Variants in IGSF9B observed in about 807,000 individuals in gnomAD.
IGSF9B encodes the protein protein turtle homolog B.
IGSF9B carries 48 observed loss-of-function variants against 143.7 expected under a neutral mutation model. That is an observed-to-expected ratio of 0.33 (90% confidence interval 0.26 to 0.42). The LOEUF (loss-of-function observed/expected upper bound fraction) is 0.42, where lower values mean the gene tolerates loss of function less well. Ranked by LOEUF, IGSF9B falls within the 20% of genes least tolerant of loss-of-function variation. The pLI, the probability that IGSF9B is intolerant of heterozygous loss-of-function variation, is 1.00. For missense variants in IGSF9B, 1,706 were observed against 1,980.0 expected (o/e 0.86, Z 2.63); for synonymous variants, 903 against 833.1 (o/e 1.08, Z -1.44).
Position 133,913,896 on chromosome 11 carries a change from C to A in IGSF9B, c.3984-1889G>T, listed in dbSNP as rs1357506973. Among the ~76,000 whole-genome samples, 1 of 152,130 alleles carries A rather than the reference C, an allele frequency of 6.6e-6. No homozygotes were observed. Among genetic ancestry groups the A allele is most frequent in the Admixed American group, 6.5e-5 (1 of 15,280 alleles). On this transcript the variant is annotated intron_variant, in intron 18 of 19. Transcript: ENST00000533871. The surrounding 1 kb of genome is among the most constrained non-coding windows in gnomAD (Gnocchi z 4.6). ...CAGTCGATCTCTGTCTCCTGGCCGG[C>A]CTCTTCAGGAGGACCACACAGGGTG...
At position 133,902,184 on chromosome 11, in the gene IGSF9B, A is replaced by G. The variant is rs1939141376; in HGVS notation, c.*6885T>C. On this transcript the variant is annotated 3_prime_UTR_variant, in exon 20 of 20. Coordinates refer to ENST00000533871, the MANE Select transcript of IGSF9B (RefSeq NM_001277285.4). ...CACACACACCAAACACACACACACC[A>G]AACACACCAGACACACCACAAGCAT... 7.0e-6 allele frequency among the ~76,000 whole-genome samples: 1 copy of G among 143,394 alleles called. No homozygotes were observed. The highest frequency in any genetic ancestry group is 2.7e-5 in the African/African-American group (1 of 37,534). The allele number at this position is 143,394 out of a possible 152,430, so 94.1% of individuals were successfully genotyped here.
chr11:133,955,312 T>C lies in IGSF9B; in HGVS notation c.64+1379A>G, dbSNP rs548084578. Among the ~76,000 whole-genome samples the C allele has an allele frequency of 5.3e-5, 8 of 152,296 alleles. No homozygotes were observed. In the East Asian group the frequency reaches 1.4e-3, roughly 26 times the overall value. The stretch of plus-strand genomic sequence containing the variant: ...TGACAAATGAAGAGTTTTAAAACCG[T>C]CCGGACCAACATGTCAGTTAACAAA... On this transcript the variant is annotated intron_variant, in intron 1 of 19. Coordinates refer to ENST00000533871, the MANE Select transcript of IGSF9B (RefSeq NM_001277285.4).
At position 133,906,940 on chromosome 11, in the gene IGSF9B, G is replaced by A. The variant is rs922547695; in HGVS notation, c.*2129C>T. 1.3e-5 allele frequency among the ~76,000 whole-genome samples: 2 copies of A among 152,132 alleles called. No individual in the cohort carries two copies. Among genetic ancestry groups the A allele is most frequent in the African/African-American group, 4.8e-5 (2 of 41,424 alleles). Reference sequence around the variant, plus strand: ...CATCCCCCAGGAGAGACGCCCAAGTGAGCAGCACATCACGACGCGGGGGCA... The same window carrying A: ...CATCCCCCAGGAGAGACGCCCAAGTAAGCAGCACATCACGACGCGGGGGCA... On this transcript the variant is annotated 3_prime_UTR_variant, in exon 20 of 20. Coordinates refer to ENST00000533871, the MANE Select transcript of IGSF9B (RefSeq NM_001277285.4).
chr11:133,948,701 A>G lies in IGSF9B; in HGVS notation c.65-2443T>C, dbSNP rs115184482. Among the ~76,000 whole-genome samples, 2,693 of 151,800 alleles carry G rather than the reference A, an allele frequency of 0.018. 55 individuals carry two copies. The highest frequency in any genetic ancestry group is 0.054 in the Middle Eastern group (16 of 294). ...ACCTGTGAGGAGATAAGAAACTACAAGAGCCTAGGGGAAGAGGAGGGAGTT... is the reference window on the plus strand; with the variant it reads ...ACCTGTGAGGAGATAAGAAACTACAGGAGCCTAGGGGAAGAGGAGGGAGTT... On this transcript the variant is annotated intron_variant, in intron 1 of 19. Coordinates refer to ENST00000533871, the MANE Select transcript of IGSF9B (RefSeq NM_001277285.4). This position sits in a 1 kb window ranked among gnomAD's most constrained non-coding sequence, Gnocchi z 4.7.
chr11:133,896,576 A>C lies in IGSF9B; in HGVS notation c.*12493T>G, dbSNP rs569571279. On this transcript the variant is annotated 3_prime_UTR_variant, in exon 20 of 20. Transcript: ENST00000533871. ...CTCCCGGGGTACCTGCACTGGCTGCACATCTCATCATTTGATGTGTGCCTT... is the reference window on the plus strand; with the variant it reads ...CTCCCGGGGTACCTGCACTGGCTGCCCATCTCATCATTTGATGTGTGCCTT... The C allele has an allele frequency of 3.1e-4, 47 of 152,336 alleles. No homozygotes were observed. The highest frequency in any genetic ancestry group is 1.1e-3 in the African/African-American group (47 of 41,580). 9.4% of individuals were successfully genotyped at this position (152,336 alleles called of 1,614,324 possible).
rs1191721320 is a variant in IGSF9B, at chr11:133,899,719, G to A, written c.*9350C>T. ...TCGGGCAGAGTCCACAGAAAGAGAG[G>A]GGATGGTGGGTCTAGAAGCCAACAG... On this transcript the variant is annotated 3_prime_UTR_variant, in exon 20 of 20. Transcript: ENST00000533871. 1 of 152,410 alleles carries A rather than the reference G, an allele frequency of 6.6e-6. No individual in the cohort carries two copies. The highest frequency in any genetic ancestry group is 2.4e-5 in the African/African-American group (1 of 41,464). The allele number at this position is 152,410 out of a possible 1,614,324, so 9.4% of individuals were successfully genotyped here. A position where few individuals can be genotyped will look rare whatever the true frequency, so the allele number is the denominator to read the frequency against.
rs985389418 is a variant in IGSF9B at position 133,905,904 on chromosome 11, C to G, written c.*3165G>C. Among the ~76,000 whole-genome samples, 5 of 152,234 alleles carry G rather than the reference C, an allele frequency of 3.3e-5. No homozygotes were observed. Among genetic ancestry groups the G allele is most frequent in the African/African-American group, 1.2e-4 (5 of 41,460 alleles). ...TGCCTCGTCGTACATCTTCTCTCCCCACGCAAATGCAGTTGTCCAGGCCCC... is the reference window on the plus strand; with the variant it reads ...TGCCTCGTCGTACATCTTCTCTCCCGACGCAAATGCAGTTGTCCAGGCCCC... On this transcript the variant is annotated 3_prime_UTR_variant, in exon 20 of 20. Transcript: ENST00000533871. The surrounding 1 kb of genome is among the most constrained non-coding windows in gnomAD (Gnocchi z 4.0).
At chr11:133,936,636 G>C (rs770652448) in intron 5 of IGSF9B, among the ~76,000 whole-genome samples, 1 of 152,158 alleles carries the variant, frequency 6.6e-6, no homozygotes, top group South Asian at 2.1e-4. Context: ...CAGACAAAGG[G>C]GGCAGCTGCG....
chr11:133,942,139 A>G (rs921445942), intron 3 of IGSF9B, among the ~76,000 whole-genome samples: 1 of 152,160 alleles, frequency 6.6e-6, no homozygotes. Context: ...CTAGATTTTC[A>G]TCTGACTTTG....
intron 12 of IGSF9B, among the ~76,000 whole-genome samples, chr11:133,929,119 T>C (rs754773205): frequency 3.2e-4 from 48 of 152,288 alleles, no homozygotes; most frequent in East Asian, 2.1e-3. Context: ...ATGAGTATAA[T>C]TGGATTGTTG....
At position 133,904,242 on chromosome 11, in the gene IGSF9B, C is replaced by A. The variant is rs567415058; in HGVS notation, c.*4827G>T. On this transcript the variant is annotated 3_prime_UTR_variant, in exon 20 of 20. Transcript: ENST00000533871. The stretch of plus-strand genomic sequence containing the variant: ...CCCATGAACATTTTCAGATTGTGGA[C>A]GGAGAGGCAACCCACCGCTGCAGCT... Among the ~76,000 whole-genome samples the A allele has an allele frequency of 6.6e-6, 1 of 152,108 alleles. No individual in the cohort carries two copies. The highest frequency in any genetic ancestry group is 1.5e-5 in the Non-Finnish European group (1 of 68,020).
In IGSF9B at chr11:133,920,048, G is replaced by A. The variant is rs751248589; in HGVS notation, c.3677C>T (p.Pro1226Leu). 1.3e-5 allele frequency: 21 copies of A among 1,557,542 alleles called. No individual in the cohort carries two copies. The highest frequency in any genetic ancestry group is 6.0e-5 in the Admixed American group (3 of 49,820). Residue 1226 changes from proline (P) to leucine (L), a missense_variant, in exon 18 of 20, where the codon CCG becomes CTG. Physicochemically the swap from Pro to Leu is moderately conservative, Grantham distance 98 (BLOSUM62 -3). Transcript: ENST00000533871. ...PELAARARPR[P>L]GLLQQAEMSE... ...CATCTCTGCCTGCTGCAGGAGGCCC[G>A]GGCGAGGCCGGGCACGGGCGGCGAG...
chr11:133,910,404 C>T (rs533833353), intron 19 of IGSF9B, among the ~76,000 whole-genome samples: 8 of 152,264 alleles, frequency 5.3e-5, no homozygotes, highest in African/African-American at 1.7e-4. Context: ...ATAGAGACAA[C>T]AGAAAGTGGC....
rs1228024892 is a variant in IGSF9B at position 133,909,773 on chromosome 11, A to G, written c.4106-496T>C. Among the ~76,000 whole-genome samples, 4 of 152,244 alleles carry G rather than the reference A, an allele frequency of 2.6e-5. No homozygotes were observed. Among genetic ancestry groups the G allele is most frequent in the South Asian group, 4.1e-4 (2 of 4,838 alleles). ...CTCATGGCCCTTCTGGAGATTAATC[A>G]GGAATGCCTTTGCTAGCTTCAAAGA... On this transcript the variant is annotated intron_variant, in intron 19 of 19. Coordinates refer to ENST00000533871, the MANE Select transcript of IGSF9B (RefSeq NM_001277285.4). The surrounding 1 kb of genome is among the most constrained non-coding windows in gnomAD (Gnocchi z 4.2).
intron 13 of IGSF9B, 78 bp from the exon 14 acceptor site, chr11:133,926,043 C>T: frequency 9.4e-7 from 1 of 1,063,054 alleles, no homozygotes; most frequent in Non-Finnish European, 1.4e-6. Flanking sequence ...CACTCCTGTG[C>T]ACATGTCAGG....
At chr11:133,938,246 G>A in intron 3 of IGSF9B, 1 of 339,446 alleles carries the variant, frequency 2.9e-6, no homozygotes. Flanking sequence ...AACACTGCCT[G>A]CTCCCAGCTC....
intron 17 of IGSF9B, 96 bp from the exon 18 acceptor site, chr11:133,921,493 A>C: frequency 2.1e-6 from 2 of 931,704 alleles, no homozygotes; most frequent in Non-Finnish European, 1.5e-6. Flanking sequence ...AGCACCCAGG[A>C]TCCTCACGCT....
intron 3 of IGSF9B, among the ~76,000 whole-genome samples, chr11:133,938,581 A>T (rs1481930143): frequency 6.6e-6 from 1 of 152,100 alleles, no homozygotes; most frequent in Admixed American, 6.5e-5. Context: ...ATTTGATTAA[A>T]ACTCCATCCT....
intron 1 of IGSF9B, among the ~76,000 whole-genome samples, chr11:133,955,455 C>G (rs1565455483): frequency 6.6e-6 from 1 of 152,256 alleles, no homozygotes; most frequent in Non-Finnish European, 1.5e-5. Context: ...CCCCCCTGCA[C>G]AGACGAGTGA....
Sources: allele counts gnomAD v4.1 joint callset (sites outside exome capture counted in the v4.1 genomes callset), GRCh38; gene constraint gnomAD v4.1.1; non-coding constraint Gnocchi (gnomAD v3.1); transcripts MANE v1.5; gene names NCBI Gene and HGNC (gene_info 2026-07-23, HGNC 2026-07-21).